The following KIAA1217 variants were observed in gnomAD, a reference collection of about 807,000 sequenced individuals.
KIAA1217 encodes sickle tail protein homolog.
A neutral mutation model predicts 163.9 loss-of-function variants in KIAA1217; 88 were observed. The ratio of observed to expected loss-of-function variants is 0.54; its 90% CI spans 0.45 to 0.64. The LOEUF is 0.64. KIAA1217 is among the 30% of genes least tolerant of loss of function. The probability of loss-of-function intolerance (pLI) is 0.00; values close to 1 mark genes in which losing one functional copy is unlikely to be tolerated. For synonymous variants in KIAA1217, 903 were observed against 923.1 expected, an observed-to-expected ratio of 0.98 and a Z score of 0.39; for missense variants, 2,372 against 2,475.0, an observed-to-expected ratio of 0.96 and a Z score of 0.88.
At chr10:24,437,906 CA>C (rs58645832) in intron 4 of KIAA1217, among the ~76,000 whole-genome samples, 85 of 63,696 alleles carry the variant, frequency 1.3e-3, no homozygotes, top group East Asian at 3.8e-3. Context: ...TGTTTGAAGG[CA>C]AAAAAAAAAA....
intron 1 of KIAA1217, among the ~76,000 whole-genome samples, chr10:23,833,948 G>A (rs777334341): frequency 2.6e-5 from 4 of 151,922 alleles, no homozygotes; most frequent in Non-Finnish European, 4.4e-5. Context: ...ATTGTTGTGG[G>A]TGGTTTATAA....
In KIAA1217 at chr10:24,357,777, A is replaced by G. The variant is rs185267936; in HGVS notation, c.355-23092A>G. 5.3e-5 allele frequency among the ~76,000 whole-genome samples: 8 copies of G among 152,322 alleles called. 1 individual carries two copies. The East Asian group carries it at 1.2e-3, about 22-fold the overall frequency. ...AGTATTTTCCTCCTTTCAAGGTGTG[A>G]GAGCGACCAAGAAGCAATAACGCAT... On this transcript the variant is annotated intron_variant, in intron 2 of 20. Transcript: ENST00000376454.
At chr10:24,355,463 T>C (rs10828636) in intron 2 of KIAA1217, among the ~76,000 whole-genome samples, 73,781 of 151,856 alleles carry the variant, frequency 0.49, 18,103 homozygotes, top group East Asian at 0.7. Context: ...TGTGTCCTCA[T>C]ATGGCAGAAA....
At chr10:23,989,069 C>T (rs1846103382) in intron 1 of KIAA1217, among the ~76,000 whole-genome samples, 1 of 152,116 alleles carries the variant, frequency 6.6e-6, no homozygotes, top group Non-Finnish European at 1.5e-5. Context: ...TTCATTGACT[C>T]TTCTGGAAAA....
At chr10:23,897,028 T>C (rs1841737727) in intron 1 of KIAA1217, among the ~76,000 whole-genome samples, 1 of 152,042 alleles carries the variant, frequency 6.6e-6, no homozygotes, top group Non-Finnish European at 1.5e-5. Flanking sequence ...ATTTTGTTAA[T>C]AACACTTTTT....
At chr10:24,050,167 G>A (rs1849395535) in intron 2 of KIAA1217, among the ~76,000 whole-genome samples, 1 of 151,922 alleles carries the variant, frequency 6.6e-6, no homozygotes, top group East Asian at 1.9e-4. Flanking sequence ...GTTTTTTCTT[G>A]CAAATTTGTT....
chr10:24,309,177 G>A (rs1308854975), intron 2 of KIAA1217, among the ~76,000 whole-genome samples: 1 of 150,364 alleles, frequency 6.7e-6, no homozygotes, highest in East Asian at 2.0e-4. Flanking sequence ...AGGGAAGGAG[G>A]GAGAGAGAGA....
intron 2 of KIAA1217, among the ~76,000 whole-genome samples, chr10:24,243,388 T>C (rs759957816): frequency 3.3e-5 from 5 of 152,192 alleles, no homozygotes; most frequent in South Asian, 2.1e-4. Flanking sequence ...TCATAACCCA[T>C]AGGTAATTTT....
chr10:24,531,153 C>T (rs2073058484), intron 14 of KIAA1217, among the ~76,000 whole-genome samples: 1 of 152,132 alleles, frequency 6.6e-6, no homozygotes, highest in Non-Finnish European at 1.5e-5. Context: ...CTCAGTGAGC[C>T]TTGATCACAC....
chr10:24,511,152 C>CAAAATAAAAAA (rs2069087636), intron 9 of KIAA1217, among the ~76,000 whole-genome samples: 1 of 34,512 alleles, frequency 2.9e-5, no homozygotes, highest in Admixed American at 4.8e-4. Context: ...GACTCTGTCT[C>CAAAATAAAAAA]AAAAAAAAAA....
At chr10:24,316,283 T>C (rs1221557410) in intron 2 of KIAA1217, among the ~76,000 whole-genome samples, 1 of 152,142 alleles carries the variant, frequency 6.6e-6, no homozygotes, top group Non-Finnish European at 1.5e-5. Context: ...ATTATGTGTG[T>C]GTTTAAGGGC....
chr10:24,246,385 G>A (rs1356549530), intron 2 of KIAA1217, among the ~76,000 whole-genome samples: 2 of 152,176 alleles, frequency 1.3e-5, no homozygotes, highest in Non-Finnish European at 2.9e-5. Context: ...ATGTGGGAAC[G>A]AATCTGAAGG....
rs953020792 is a variant in KIAA1217, at chr10:24,542,584, C to T, written c.3535-109C>T. ...TTTGGATTGGTGTGTAAGAAATATG[C>T]GTGGCCCGCATGTCTTAGAAATGTA... On this transcript the variant is annotated intron_variant, in intron 17 of 20. Coordinates refer to ENST00000376454, the MANE Select transcript of KIAA1217 (RefSeq NM_019590.5). The T allele has an allele frequency of 4.4e-5, 68 of 1,547,072 alleles. 1 individual carries two copies. The highest frequency in any genetic ancestry group is 2.6e-4 in the South Asian group (22 of 83,240).
At position 23,774,882 on chromosome 10, in the gene KIAA1217, C is replaced by T. The variant is rs1834944366; in HGVS notation, c.-321+79648C>T. 2.6e-5 allele frequency among the ~76,000 whole-genome samples: 4 copies of T among 152,152 alleles called. No individual in the cohort carries two copies. In the South Asian group the frequency reaches 8.3e-4, roughly 32 times the overall value. ...TTAACATTTTTTAACAATGTATAAGCTTGCTTTATAAGTTTTGATCATCAT... is the reference window on the plus strand; with the variant it reads ...TTAACATTTTTTAACAATGTATAAGTTTGCTTTATAAGTTTTGATCATCAT... On this transcript the variant is annotated intron_variant, in intron 1 of 18. Coordinates refer to the KIAA1217 transcript ENST00000376462.
intron 1 of KIAA1217, among the ~76,000 whole-genome samples, chr10:23,926,726 A>AAAATAAATAAATAAATAAAT (rs71397924): frequency 6.6e-3 from 945 of 143,964 alleles, no homozygotes; most frequent in African/African-American, 9.9e-3. Flanking sequence ...TTCTGTCTCA[A>AAAATAAATAAATAAATAAAT]AAATAAATAA....
chr10:24,290,790 C>T (rs2079017050), intron 2 of KIAA1217, among the ~76,000 whole-genome samples: 1 of 151,834 alleles, frequency 6.6e-6, no homozygotes, highest in South Asian at 2.1e-4. Flanking sequence ...TTTAGTGAGA[C>T]AGGGTTTCAC....
At chr10:24,093,317 C>T (rs2062014038) in intron 2 of KIAA1217, among the ~76,000 whole-genome samples, 1 of 151,630 alleles carries the variant, frequency 6.6e-6, no homozygotes, top group South Asian at 2.1e-4. Context: ...ATTACAGGCA[C>T]CTGCCACCAT....
upstream of KIAA1217, among the ~76,000 whole-genome samples, chr10:24,204,116 C>CA (rs1347110947): frequency 6.6e-6 from 1 of 152,158 alleles, no homozygotes; most frequent in African/African-American, 2.4e-5. Flanking sequence ...ATCATATGAC[C>CA]ACATGAGGAA....
chr10:23,747,610 G>A (rs2130824754), intron 1 of KIAA1217, among the ~76,000 whole-genome samples: 1 of 152,272 alleles, frequency 6.6e-6, no homozygotes, highest in East Asian at 1.9e-4. Flanking sequence ...GGAAGGGATT[G>A]AGAATAGATC....
Sources: allele counts gnomAD v4.1 joint callset (sites outside exome capture counted in the v4.1 genomes callset), GRCh38; gene constraint gnomAD v4.1.1; transcripts MANE v1.5; gene names NCBI Gene and HGNC (gene_info 2026-07-23, HGNC 2026-07-21).